Variants in ZNF667 observed in about 807,000 individuals in gnomAD.
The protein encoded by ZNF667 is myocardial ischemic preconditioning upregulated 1 ortholog.
ZNF667 carries 13 observed loss-of-function variants against 31.8 expected under a neutral mutation model. The ratio of observed to expected loss-of-function variants is 0.41; its 90% CI spans 0.27 to 0.65. The LOEUF (loss-of-function observed/expected upper bound fraction) is 0.65, where lower values mean the gene tolerates loss of function less well. Among genes scored for constraint, ZNF667 ranks in the 30% least tolerant of loss-of-function variants. The pLI, the probability that ZNF667 is intolerant of heterozygous loss-of-function variation, is 0.32. For missense variants in ZNF667, 642 were observed against 725.6 expected, an observed-to-expected ratio of 0.88 and a Z score of 1.32; for synonymous variants, 228 against 247.1, an observed-to-expected ratio of 0.92 and a Z score of 0.73.
At chr19:56,459,334 T>C (rs1296133183) in intron 5 of ZNF667, among the ~76,000 whole-genome samples, 1 of 152,162 alleles carries the variant, frequency 6.6e-6, no homozygotes, top group Non-Finnish European at 1.5e-5. Flanking sequence ...ATTATCTGTT[T>C]TGTGGTGCCA....
intron 3 of ZNF667, among the ~76,000 whole-genome samples, chr19:56,470,730 T>C (rs751689816): frequency 2.0e-4 from 31 of 152,152 alleles, no homozygotes; most frequent in Non-Finnish European, 3.1e-4. Flanking sequence ...ATGTTAAGAC[T>C]GAGGAGCGAG....
chr19:56,456,358 G>A (rs2042931465), intron 6 of ZNF667, among the ~76,000 whole-genome samples: 1 of 152,156 alleles, frequency 6.6e-6, no homozygotes, highest in Non-Finnish European at 1.5e-5. Context: ...AGAGGAAACT[G>A]GTCACAGCTT....
intron 5 of ZNF667, among the ~76,000 whole-genome samples, chr19:56,458,520 C>T (rs1323706848): frequency 6.6e-6 from 1 of 152,166 alleles, no homozygotes; most frequent in Non-Finnish European, 1.5e-5. Flanking sequence ...ACTGGGGGCT[C>T]CTGGACAGCC....
rs866544680 is a variant in ZNF667, at chr19:56,439,582, C to G, written c.*1580G>C. On this transcript the variant is annotated 3_prime_UTR_variant, in exon 7 of 7. Coordinates refer to ENST00000504904, the MANE Select transcript of ZNF667 (RefSeq NM_001321356.2). ...CAGGTCGCCAGCATGGTTAGGTTCT[C>G]GTAGGGTTCTCTTCCTGTTCTGTAG... The G allele has an allele frequency of 6.6e-6, 1 of 152,228 alleles. No homozygotes were observed. The highest frequency in any genetic ancestry group is 2.4e-5 in the African/African-American group (1 of 41,456). The allele number at this position is 152,228 out of a possible 1,614,324, so 9.4% of individuals were successfully genotyped here.
At chr19:56,464,296 G>C (rs2043112578) in intron 3 of ZNF667, among the ~76,000 whole-genome samples, 1 of 152,340 alleles carries the variant, frequency 6.6e-6, no homozygotes, top group Non-Finnish European at 1.5e-5. Flanking sequence ...GAGTTTGAGA[G>C]CAACCTGAGC....
chr19:56,440,517 C>CA lies in ZNF667; in HGVS notation c.*644dup, dbSNP rs781672567. On this transcript the variant is annotated 3_prime_UTR_variant, in exon 7 of 7. Coordinates refer to ENST00000504904, the MANE Select transcript of ZNF667 (RefSeq NM_001321356.2). The stretch of plus-strand genomic sequence containing the variant: ...TAATTCTAGATCTGAGAAACAGACT[C>CA]AAATTCTTTTTTCTGTGACCTTAAA... The CA allele has an allele frequency of 4.6e-6, 4 of 868,826 alleles. No individual in the cohort carries two copies. In the African/African-American group the frequency reaches 7.3e-5, roughly 16 times the overall value. 53.8% of individuals were successfully genotyped at this position (868,826 alleles called of 1,614,324 possible). A position where few individuals can be genotyped will look rare whatever the true frequency, so the allele number is the denominator to read the frequency against.
At chr19:56,444,248 A>T (rs1183308968) in intron 6 of ZNF667, 1 of 398,476 alleles carries the variant, frequency 2.5e-6, no homozygotes, top group Non-Finnish European at 4.4e-6. Context: ...TGGTGCTGGC[A>T]CCTCCTTGGC....
chr19:56,451,169 G>A (rs973483464), intron 6 of ZNF667, among the ~76,000 whole-genome samples: 4 of 151,934 alleles, frequency 2.6e-5, no homozygotes, highest in Non-Finnish European at 5.9e-5. Context: ...CCAAAAAAGA[G>A]CAGGAGCAGC....
At chr19:56,442,954 T>G (rs1243929558) in intron 6 of ZNF667, among the ~76,000 whole-genome samples, 1 of 152,124 alleles carries the variant, frequency 6.6e-6, no homozygotes. Context: ...AATTTGAAAA[T>G]GAATAAGATT....
At chr19:56,476,017 C>T (rs931274174) in intron 1 of ZNF667, 1 of 152,186 alleles carries the variant, frequency 6.6e-6, no homozygotes, top group Non-Finnish European at 1.5e-5. Flanking sequence ...AATAATAAAA[C>T]GATGATCATT....
At chr19:56,458,705 G>A (rs2042984288) in intron 5 of ZNF667, among the ~76,000 whole-genome samples, 1 of 152,178 alleles carries the variant, frequency 6.6e-6, no homozygotes, top group African/African-American at 2.4e-5. Context: ...GACTGGGTTT[G>A]GAGAGCCTCA....
At chr19:56,447,199 A>T (rs1462667539) in intron 6 of ZNF667, among the ~76,000 whole-genome samples, 1 of 152,206 alleles carries the variant, frequency 6.6e-6, no homozygotes, top group Non-Finnish European at 1.5e-5. Flanking sequence ...TAAATAAAAT[A>T]AAAAGACTTA....
intron 6 of ZNF667, among the ~76,000 whole-genome samples, 169 bp from the exon 7 acceptor site, chr19:56,442,910 A>G (rs536926184): frequency 3.3e-5 from 5 of 152,324 alleles, no homozygotes; most frequent in African/African-American, 1.2e-4. Flanking sequence ...AAGGCTTTAC[A>G]GAGATATTTA....
chr19:56,460,559 T>C, intron 5 of ZNF667, 130 bp downstream of exon 5: 1 of 1,030,666 alleles, frequency 9.7e-7, no homozygotes, highest in Non-Finnish European at 1.4e-6. Flanking sequence ...TTGTATAGTA[T>C]GTGAATTATA....
intron 6 of ZNF667, among the ~76,000 whole-genome samples, chr19:56,443,480 A>G (rs767311751): frequency 6.6e-6 from 1 of 152,218 alleles, no homozygotes; most frequent in Non-Finnish European, 1.5e-5. Context: ...GTTATATTGT[A>G]TAGCCTGTTC....
intron 1 of ZNF667, chr19:56,475,060 C>T (rs2043373619): frequency 6.6e-6 from 1 of 152,182 alleles, no homozygotes. Context: ...CTTCCTGGCT[C>T]TGGAGTTGAC....
At position 56,440,228 on chromosome 19, in the gene ZNF667, T is replaced by A. The variant is rs1187649708; in HGVS notation, c.*934A>T. 1 of 152,242 alleles carries A rather than the reference T, an allele frequency of 6.6e-6. No individual in the cohort carries two copies. Among genetic ancestry groups the A allele is most frequent in the Non-Finnish European group, 1.5e-5 (1 of 68,040 alleles). The allele number at this position is 152,242 out of a possible 1,614,324, so 9.4% of individuals were successfully genotyped here. ...GATTTATTTCCAAATAAAACAATAC[T>A]GATTTCTCCTGGCTCTGAAATCCTC... On this transcript the variant is annotated 3_prime_UTR_variant, in exon 7 of 7. Transcript: ENST00000504904.
chr19:56,448,250 G>C (rs1246230166), intron 6 of ZNF667, among the ~76,000 whole-genome samples: 1 of 152,032 alleles, frequency 6.6e-6, no homozygotes, highest in Non-Finnish European at 1.5e-5. Flanking sequence ...AAGCAACGTG[G>C]GGCAGAATTT....
chr19:56,469,827 T>C, intron 3 of ZNF667: 1 of 424,598 alleles, frequency 2.4e-6, no homozygotes, highest in Non-Finnish European at 4.8e-6. Flanking sequence ...GGAAAGGGCT[T>C]AAGTGTTTGC....
Sources: allele counts gnomAD v4.1 joint callset (sites outside exome capture counted in the v4.1 genomes callset), GRCh38; gene constraint gnomAD v4.1.1; transcripts MANE v1.5; gene names NCBI Gene and HGNC (gene_info 2026-07-23, HGNC 2026-07-21).